Variants in SPECC1L observed in about 807,000 individuals in gnomAD.
The protein encoded by SPECC1L is cytospin-A.
A neutral mutation model predicts 116.8 loss-of-function variants in SPECC1L; 40 were observed. That is an observed-to-expected ratio of 0.34 (90% CI 0.27 to 0.45). The LOEUF (loss-of-function observed/expected upper bound fraction) is 0.45. Ranked by LOEUF, SPECC1L falls within the 20% of genes least tolerant of loss-of-function variation. The pLI, the probability that SPECC1L is intolerant of heterozygous loss-of-function variation, is 1.00. For missense variants in SPECC1L, 1,110 were observed against 1,373.6 expected (o/e 0.81, Z 3.03); for synonymous variants, 504 against 500.6 (o/e 1.01, Z -0.09).
intron 11 of SPECC1L, among the ~76,000 whole-genome samples, chr22:24,356,875 C>T (rs886676683): frequency 6.6e-6 from 1 of 152,006 alleles, no homozygotes; most frequent in Non-Finnish European, 1.5e-5. Context: ...CCTTTATTGG[C>T]GTCCACATAA....
At chr22:24,360,559 T>C (rs2041623728) in intron 11 of SPECC1L, among the ~76,000 whole-genome samples, 1 of 152,172 alleles carries the variant, frequency 6.6e-6, no homozygotes, top group South Asian at 2.1e-4. Context: ...CATGAACTTT[T>C]TTTTTTTGCA....
intron 14 of SPECC1L, among the ~76,000 whole-genome samples, chr22:24,400,942 G>A (rs1009364632): frequency 6.6e-6 from 1 of 152,132 alleles, no homozygotes; most frequent in Non-Finnish European, 1.5e-5. Context: ...GTTCATGTTT[G>A]TTTGTTCTTA....
In SPECC1L at chr22:24,407,948, C is replaced by G. The variant is rs2042623354; in HGVS notation, c.3088-3640C>G. Among the ~76,000 whole-genome samples the G allele has an allele frequency of 2.6e-5, 4 of 152,192 alleles. No individual in the cohort carries two copies. The South Asian group carries it at 8.3e-4, about 31-fold the overall frequency. ...TCTTACCTAGACAACTAAAGGAAAGCAGGCCCATCCTCCTATGATACACCT... is the reference window on the plus strand; with the variant it reads ...TCTTACCTAGACAACTAAAGGAAAGGAGGCCCATCCTCCTATGATACACCT... On this transcript the variant is annotated intron_variant, in intron 14 of 16. Coordinates refer to ENST00000314328, the MANE Select transcript of SPECC1L (RefSeq NM_015330.6).
chr22:24,388,927 A>G (rs1479139367), intron 14 of SPECC1L, among the ~76,000 whole-genome samples: 2 of 152,184 alleles, frequency 1.3e-5, no homozygotes, highest in African/African-American at 4.8e-5. Flanking sequence ...CATCATCACA[A>G]TGAATTTTAG....
chr22:24,403,555 T>A (rs565965681), intron 14 of SPECC1L, among the ~76,000 whole-genome samples: 4 of 152,266 alleles, frequency 2.6e-5, no homozygotes, highest in African/African-American at 9.6e-5. Flanking sequence ...CTGGCCTCCA[T>A]CAGAAGCTGT....
At chr22:24,325,765 T>G (rs1470123526) in intron 6 of SPECC1L, among the ~76,000 whole-genome samples, 1 of 152,166 alleles carries the variant, frequency 6.6e-6, no homozygotes, top group East Asian at 1.9e-4. Context: ...AAATGTCACC[T>G]GAGAATCAAA....
chr22:24,317,676 C>T (rs2040622989), intron 4 of SPECC1L, among the ~76,000 whole-genome samples: 1 of 152,170 alleles, frequency 6.6e-6, no homozygotes, highest in East Asian at 1.9e-4. Flanking sequence ...CCCCCATCTC[C>T]CTCCTGGACG....
At chr22:24,280,770 C>G (rs28361287) in intron 2 of SPECC1L, among the ~76,000 whole-genome samples, 6,741 of 151,826 alleles carry the variant, frequency 0.044, 335 homozygotes, top group South Asian at 0.14. Context: ...GTAGAGGCGG[C>G]GTTTCACCAT....
chr22:24,375,544 C>T (rs1391564982), intron 14 of SPECC1L, among the ~76,000 whole-genome samples: 2 of 152,056 alleles, frequency 1.3e-5, no homozygotes, highest in East Asian at 1.9e-4. Context: ...GGGAAAAAAC[C>T]GCATGATCAT....
rs369988612 is a variant in SPECC1L at position 24,284,423 on chromosome 22, C to CTTTTA, written c.-38+7645_-38+7649dup. On this transcript the variant is annotated intron_variant, in intron 2 of 16. Coordinates refer to ENST00000314328, the MANE Select transcript of SPECC1L (RefSeq NM_015330.6). ...TTTTGTAATTTAATTAATAGAGAATCTTTTATTTTATTTTATTTTATTTTA... is the reference window on the plus strand; with the variant it reads ...TTTTGTAATTTAATTAATAGAGAATCTTTTATTTTATTTTATTTTATTTTATTTTA... Among the ~76,000 whole-genome samples the CTTTTA allele has an allele frequency of 3.6e-3, 546 of 151,924 alleles. 2 individuals carry two copies. Among genetic ancestry groups the CTTTTA allele is most frequent in the African/African-American group, 8.8e-3 (364 of 41,452 alleles).
chr22:24,365,339 A>G (rs2041738003), intron 12 of SPECC1L, 137 bp from the exon 13 acceptor site: 6 of 787,466 alleles, frequency 7.6e-6, no homozygotes, highest in Admixed American at 2.6e-5. Context: ...AATAAGAAAT[A>G]CTTTCCAGTT....
At chr22:24,394,473 T>C (rs549533292) in intron 14 of SPECC1L, among the ~76,000 whole-genome samples, 3 of 152,242 alleles carry the variant, frequency 2.0e-5, no homozygotes, top group African/African-American at 7.2e-5. Context: ...TATTATCACA[T>C]TGGGGATTAG....
chr22:24,316,847 A>T (rs1413264516), intron 4 of SPECC1L, among the ~76,000 whole-genome samples: 3 of 132,332 alleles, frequency 2.3e-5, no homozygotes, highest in Non-Finnish European at 3.3e-5. Flanking sequence ...ACTTCCCAGT[A>T]GGGGCGGCCG....
chr22:24,369,081 G>A (rs1345140877), intron 13 of SPECC1L, 137 bp from the exon 14 acceptor site: 11 of 695,712 alleles, frequency 1.6e-5, no homozygotes, highest in East Asian at 1.1e-4. Context: ...AAAATCAAAT[G>A]TATGAAAAAC....
At chr22:24,412,239 G>A (rs1173658040) in intron 15 of SPECC1L, 1 of 361,518 alleles carries the variant, frequency 2.8e-6, no homozygotes, top group Admixed American at 3.8e-5. Flanking sequence ...ATCCAGGCCC[G>A]CAGCCCCCAC....
intron 2 of SPECC1L, among the ~76,000 whole-genome samples, chr22:24,285,730 G>A (rs1029503998): frequency 1.3e-5 from 2 of 151,734 alleles, no homozygotes; most frequent in Admixed American, 6.6e-5. Flanking sequence ...TGCGACCTCC[G>A]CTTCCTGGGT....
At chr22:24,333,207 A>G (rs745350829) in intron 8 of SPECC1L, among the ~76,000 whole-genome samples, 13 of 152,320 alleles carry the variant, frequency 8.5e-5, no homozygotes, top group Middle Eastern at 6.8e-3. Flanking sequence ...AGCCTGGACA[A>G]CAAGAGCGAA....
At position 24,321,783 on chromosome 22, in the gene SPECC1L, A is replaced by G. The variant is rs1246098294; in HGVS notation, c.803A>G (p.Lys268Arg). The G allele has an allele frequency of 6.2e-7, 1 of 1,614,136 alleles. No homozygotes were observed. The highest frequency in any genetic ancestry group is 8.5e-7 in the Non-Finnish European group (1 of 1,180,052). The part of the protein sequence containing the change: ...NQLKNENRML[K>R]DRLNALGFSL... ...CTGAAAAATGAAAACAGAATGTTAA[A>G]GGACAGGTTGAATGCATTGGGCTTT... Residue 268 changes from lysine (K) to arginine (R), a missense_variant, in exon 5 of 17, where the codon AAG becomes AGG. Around this residue, in one of 4 missense-constraint regions of SPECC1L, gnomAD observed 437 missense variants for 482.6 expected, o/e 0.91. Transcript: ENST00000314328.
chr22:24,318,963 C>T (rs1169125352), intron 4 of SPECC1L, among the ~76,000 whole-genome samples: 1 of 151,808 alleles, frequency 6.6e-6, no homozygotes, highest in African/African-American at 2.4e-5. Context: ...TTTTGGCCTC[C>T]GTATACAGTT....
Sources: gnomAD v4.1 joint callset for allele counts (sites outside exome capture counted in the v4.1 genomes callset) on GRCh38, gnomAD v4.1.1 for gene constraint, gnomAD v4.1.1 regional missense constraint, MANE v1.5 for transcripts, NCBI Gene and HGNC (gene_info 2026-07-23, HGNC 2026-07-21) for gene names.